The following SYNGR1 variants were observed in gnomAD, a reference collection of about 807,000 sequenced individuals.
The protein encoded by SYNGR1 is synaptogyrin-1.
Under a neutral mutation model 26.1 loss-of-function variants are expected in SYNGR1, and 14 were observed. That is an observed-to-expected ratio of 0.54 (90% CI 0.35 to 0.84). SYNGR1 has a LOEUF of 0.84. Ranked by LOEUF, SYNGR1 falls within the 40% of genes least tolerant of loss-of-function variation. SYNGR1 has a pLI of 0.01. For missense variants in SYNGR1, 319 were observed against 332.9 expected, an observed-to-expected ratio of 0.96 and a Z score of 0.33; for synonymous variants, 141 against 150.1, an observed-to-expected ratio of 0.94 and a Z score of 0.44.
Position 39,385,056 on chromosome 22 carries a change from C to T in SYNGR1, c.*3142C>T. 2.5e-6 allele frequency: 1 copy of T among 398,898 alleles called. No homozygotes were observed. The highest frequency in any genetic ancestry group is 4.4e-6 in the Non-Finnish European group (1 of 226,104). 24.7% of individuals were successfully genotyped at this position (398,898 alleles called of 1,614,324 possible). On this transcript the variant is annotated 3_prime_UTR_variant, in exon 4 of 4. Transcript: ENST00000328933. ...CCTGGTGATTCTTGATCTTCAAAGC[C>T]TCGGGGATCCCAGGTTTCCCCATGT...
intron 1 of SYNGR1, among the ~76,000 whole-genome samples, chr22:39,358,691 A>G (rs1303850643): frequency 6.6e-6 from 1 of 151,996 alleles, no homozygotes; most frequent in Admixed American, 6.6e-5. Context: ...GAAGGAACGA[A>G]CTCCAGACGC....
chr22:39,378,155 G>C (rs1345687061), intron 3 of SYNGR1: 1 of 1,124,822 alleles, frequency 8.9e-7, no homozygotes, highest in Non-Finnish European at 1.1e-6. Context: ...ACTGTCCTTA[G>C]GGTTAGCATC....
chr22:39,378,711 G>T (rs1925396561), intron 3 of SYNGR1, among the ~76,000 whole-genome samples: 1 of 152,254 alleles, frequency 6.6e-6, no homozygotes, highest in African/African-American at 2.4e-5. Context: ...GCACGCTGGA[G>T]ATGCTGCAGA....
intron 1 of SYNGR1, among the ~76,000 whole-genome samples, chr22:39,361,614 C>T (rs1235643310): frequency 6.6e-6 from 1 of 152,036 alleles, no homozygotes; most frequent in Non-Finnish European, 1.5e-5. Context: ...CCCGCCTCTG[C>T]CTCCCAAAGT....
intron 1 of SYNGR1, among the ~76,000 whole-genome samples, chr22:39,361,256 A>G (rs1924458071): frequency 6.6e-6 from 1 of 152,052 alleles, no homozygotes; most frequent in East Asian, 1.9e-4. Context: ...TTTGCACAGC[A>G]GGAGAGAAAC....
At position 39,384,701 on chromosome 22, in the gene SYNGR1, C is replaced by G. The variant is rs1290906819; in HGVS notation, c.*2787C>G. 2.5e-6 allele frequency: 1 copy of G among 399,198 alleles called. No individual in the cohort carries two copies. The highest frequency in any genetic ancestry group is 4.4e-6 in the Non-Finnish European group (1 of 226,086). 24.7% of individuals were successfully genotyped at this position (399,198 alleles called of 1,614,324 possible). A position where few individuals can be genotyped will look rare whatever the true frequency, so the allele number is the denominator to read the frequency against. ...CTTCTCCCTTGCTCCCAAAGCTTTC[C>G]TTGGAGAAGGGCCCTCCTGCAGCTG... On this transcript the variant is annotated 3_prime_UTR_variant, in exon 4 of 4. Transcript: ENST00000328933.
At position 39,385,096 on chromosome 22, in the gene SYNGR1, G is replaced by A. The variant is rs1024225013; in HGVS notation, c.*3182G>A. On this transcript the variant is annotated 3_prime_UTR_variant, in exon 4 of 4. Coordinates refer to ENST00000328933, the MANE Select transcript of SYNGR1 (RefSeq NM_004711.5). The stretch of plus-strand genomic sequence containing the variant: ...TTTCCCCATGTAACTGAGACACCCT[G>A]CCTGTTAGCCCTGGGAGACCCCTAA... 7.5e-6 allele frequency: 3 copies of A among 398,346 alleles called. No homozygotes were observed. The highest frequency in any genetic ancestry group is 2.1e-5 in the African/African-American group (1 of 48,614). The allele number at this position is 398,346 out of a possible 1,614,324, so 24.7% of individuals were successfully genotyped here.
chr22:39,374,973 TC>T, intron 2 of SYNGR1: 1 of 273,942 alleles, frequency 3.7e-6, no homozygotes, highest in Non-Finnish European at 7.1e-6. Context: ...TCCCCACGCC[TC>T]CCAGCCAGAC....
At position 39,381,933 on chromosome 22, in the gene SYNGR1, C is replaced by G. The variant is rs1925514154; in HGVS notation, c.*19C>G. The G allele has an allele frequency of 9.5e-6, 15 of 1,577,958 alleles. No individual in the cohort carries two copies. In the East Asian group the frequency reaches 3.5e-4, roughly 37 times the overall value. ...CTACTGAGCCACAGTGACCGCCTGC[C>G]CCCGCCCCTCCCCATCTGTCCCCTC... On this transcript the variant is annotated 3_prime_UTR_variant, in exon 4 of 4. Coordinates refer to ENST00000328933, the MANE Select transcript of SYNGR1 (RefSeq NM_004711.5).
chr22:39,381,974 C>T lies in SYNGR1; in HGVS notation c.*60C>T. Reference sequence around the variant, plus strand: ...CTGTCCCCTCTCTCCACACCCAGCCCCTGCTCCTGCCCAGGCTGCCCTGCC... The same window carrying T: ...CTGTCCCCTCTCTCCACACCCAGCCTCTGCTCCTGCCCAGGCTGCCCTGCC... On this transcript the variant is annotated 3_prime_UTR_variant, in exon 4 of 4. Transcript: ENST00000328933. 2 of 1,523,086 alleles carry T rather than the reference C, an allele frequency of 1.3e-6. No homozygotes were observed. Among genetic ancestry groups the T allele is most frequent in the Non-Finnish European group, 1.8e-6 (2 of 1,128,460 alleles). 94.3% of individuals were successfully genotyped at this position (1,523,086 alleles called of 1,614,324 possible).
At position 39,375,664 on chromosome 22, in the gene SYNGR1, C is replaced by T. The variant is rs117698419; in HGVS notation, c.338-388C>T. 0.011 allele frequency: 6,031 copies of T among 558,650 alleles called. 334 individuals carry two copies. In the East Asian group the frequency reaches 0.13, roughly 12 times the overall value. 34.6% of individuals were successfully genotyped at this position (558,650 alleles called of 1,614,324 possible). A position where few individuals can be genotyped will look rare whatever the true frequency, so the allele number is the denominator to read the frequency against. ...AGAGTTGCAGGCATCAGGGGTGGAC[C>T]GGGGGGGCCCACGTCAGCGGTGTGG... On this transcript the variant is annotated intron_variant, in intron 2 of 3. Coordinates refer to ENST00000328933, the MANE Select transcript of SYNGR1 (RefSeq NM_004711.5).
chr22:39,364,052 G>A (rs1016667070), intron 1 of SYNGR1: 23 of 1,392,392 alleles, frequency 1.7e-5, no homozygotes, highest in African/African-American at 1.6e-4. Context: ...TTCGTTAGCC[G>A]ACGCCCTGCA....
intron 1 of SYNGR1, chr22:39,364,426 A>G (rs1468066470): frequency 6.8e-7 from 1 of 1,471,514 alleles, no homozygotes; most frequent in African/African-American, 1.4e-5. Flanking sequence ...TGGGGATTAA[A>G]ATAGATGATT....
chr22:39,376,463 ACC>A (rs60010643), intron 3 of SYNGR1, among the ~76,000 whole-genome samples: 6,751 of 147,900 alleles, frequency 0.046, 493 homozygotes, highest in African/African-American at 0.15. Flanking sequence ...GTCACGGACC[ACC>A]CCCCCCCCAA....
intron 1 of SYNGR1, among the ~76,000 whole-genome samples, chr22:39,357,174 G>C (rs997182735): frequency 6.6e-6 from 1 of 152,022 alleles, no homozygotes; most frequent in Non-Finnish European, 1.5e-5. Flanking sequence ...GCTGAGGCAC[G>C]AGAATCGCCT....
chr22:39,379,957 C>T (rs754941318), intron 3 of SYNGR1: 3 of 152,230 alleles, frequency 2.0e-5, no homozygotes, highest in Non-Finnish European at 2.9e-5. Flanking sequence ...GCAGATTCCC[C>T]GGGCCGGGAA....
At chr22:39,377,448 C>A in intron 3 of SYNGR1, 1 of 1,510,404 alleles carries the variant, frequency 6.6e-7, no homozygotes, top group Non-Finnish European at 8.8e-7. Context: ...AGTTTAGGGG[C>A]GGGGCTCACA....
At chr22:39,373,555 TC>T (rs1245098185) in intron 1 of SYNGR1, among the ~76,000 whole-genome samples, 2 of 152,136 alleles carry the variant, frequency 1.3e-5, no homozygotes, top group Non-Finnish European at 2.9e-5. Context: ...TGATCACGGT[TC>T]ACTACAACCT....
At chr22:39,370,965 C>G (rs1431024787) in intron 1 of SYNGR1, among the ~76,000 whole-genome samples, 1 of 152,142 alleles carries the variant, frequency 6.6e-6, no homozygotes, top group African/African-American at 2.4e-5. Flanking sequence ...AAAATGTTTG[C>G]ACCAATCCTC....
Sources: gnomAD v4.1 joint callset for allele counts (sites outside exome capture counted in the v4.1 genomes callset) on GRCh38, gnomAD v4.1.1 for gene constraint, MANE v1.5 for transcripts, NCBI Gene and HGNC (gene_info 2026-07-23, HGNC 2026-07-21) for gene names.